The following UBE3A variants were observed in gnomAD, a reference collection of about 807,000 sequenced individuals.
The protein encoded by UBE3A is ubiquitin-protein ligase E3A.
UBE3A carries 6 observed loss-of-function variants against 83.4 expected under a neutral mutation model. That is an observed-to-expected ratio of 0.07 (90% CI 0.04 to 0.14). The LOEUF is 0.14. Among genes scored for constraint, UBE3A ranks in the 10% least tolerant of loss-of-function variants. The probability of loss-of-function intolerance (pLI) is 1.00; values close to 1 mark genes in which losing one functional copy is unlikely to be tolerated. For synonymous variants in UBE3A, 337 were observed against 355.4 expected, an observed-to-expected ratio of 0.95 and a Z score of 0.58; for missense variants, 456 against 1,036.1, an observed-to-expected ratio of 0.44 and a Z score of 7.69.
chr15:25,349,528 T>A (rs2076195881), intron 11 of UBE3A, among the ~76,000 whole-genome samples: 1 of 152,148 alleles, frequency 6.6e-6, no homozygotes, highest in Admixed American at 6.5e-5. Flanking sequence ...TATTCCCCAC[T>A]TACCCATGGG....
rs540551262 is a variant in UBE3A, at chr15:25,404,690, C to A, written c.62+771G>T. Among the ~76,000 whole-genome samples the A allele has an allele frequency of 2.0e-5, 3 of 152,186 alleles. No homozygotes were observed. In the South Asian group the frequency reaches 6.2e-4, roughly 31 times the overall value. ...AATACACGTTTGACAAACTTACTATCTACCTACTGAGCAAATTCTTTGCTG... is the reference window on the plus strand; with the variant it reads ...AATACACGTTTGACAAACTTACTATATACCTACTGAGCAAATTCTTTGCTG... On this transcript the variant is annotated intron_variant, in intron 4 of 12. Coordinates refer to ENST00000648336, the MANE Select transcript of UBE3A (RefSeq NM_130839.5).
intron 3 of UBE3A, among the ~76,000 whole-genome samples, chr15:25,406,596 T>C (rs886381187): frequency 3.9e-5 from 6 of 152,028 alleles, no homozygotes; most frequent in Non-Finnish European, 5.9e-5. Context: ...AGCTAAATTT[T>C]CAAATTGGCA....
intron 1 of UBE3A, among the ~76,000 whole-genome samples, chr15:25,423,965 G>T (rs868107325): frequency 6.6e-6 from 1 of 152,046 alleles, no homozygotes; most frequent in East Asian, 1.9e-4. Flanking sequence ...TTTCAGTCAC[G>T]TCTTAATCTG....
chr15:25,437,322 T>G (rs1023092606), intron 1 of UBE3A, among the ~76,000 whole-genome samples: 1 of 152,226 alleles, frequency 6.6e-6, no homozygotes, highest in African/African-American at 2.4e-5. Context: ...TAAGAGTACT[T>G]ATTGATCAGA....
In UBE3A at chr15:25,375,466, T is replaced by C; in HGVS notation, c.360A>G (p.Lys120=). 6.2e-7 allele frequency: 1 copy of C among 1,613,994 alleles called. No homozygotes were observed. The part of the protein sequence containing the change: ...MNKKGARIDF[K]DVTYLTEEKV... ...TCAATTGAAAATAAAACATCTTACC[T>C]TTAAAATCAATTCTAGCGCCTTTCT... Residue 120 remains lysine (K), a splice_region_variant and synonymous_variant, in exon 5 of 13, where the codon AAA becomes AAG. Coordinates refer to ENST00000648336, the MANE Select transcript of UBE3A (RefSeq NM_130839.5).
intron 11 of UBE3A, among the ~76,000 whole-genome samples, chr15:25,343,274 G>A (rs1323875007): frequency 2.0e-5 from 3 of 152,112 alleles, no homozygotes; most frequent in Non-Finnish European, 4.4e-5. Flanking sequence ...AAAACTTTCC[G>A]GTAGACAAAA....
chr15:25,353,288 A>C (rs2076772724), intron 11 of UBE3A, among the ~76,000 whole-genome samples: 1 of 152,218 alleles, frequency 6.6e-6, no homozygotes, highest in African/African-American at 2.4e-5. Flanking sequence ...ATTCCCACAT[A>C]CCACGACGAA....
intron 1 of UBE3A, among the ~76,000 whole-genome samples, chr15:25,436,740 A>C (rs952786002): frequency 4.1e-4 from 63 of 152,282 alleles, no homozygotes; most frequent in Non-Finnish European, 7.5e-4. Flanking sequence ...CTTTCTTAGG[A>C]AGTTATTTTT....
intron 4 of UBE3A, among the ~76,000 whole-genome samples, chr15:25,390,267 A>G (rs902526344): frequency 1.3e-5 from 2 of 152,200 alleles, no homozygotes; most frequent in Admixed American, 1.3e-4. Context: ...CACTTTTACC[A>G]TAAGATCCAG....
At chr15:25,434,112 C>T (rs1894295313) in intron 1 of UBE3A, among the ~76,000 whole-genome samples, 1 of 151,978 alleles carries the variant, frequency 6.6e-6, no homozygotes, top group African/African-American at 2.4e-5. Context: ...GCTAACTTTA[C>T]TTCACTCTCA....
chr15:25,397,163 C>T (rs773184601), intron 4 of UBE3A, among the ~76,000 whole-genome samples: 1 of 151,762 alleles, frequency 6.6e-6, no homozygotes, highest in Non-Finnish European at 1.5e-5. Flanking sequence ...ATGGTAGCAG[C>T]CTTGAAGGTT....
Position 25,375,470 on chromosome 15 carries a change from A to C in UBE3A, c.356T>G (p.Phe119Cys), listed in dbSNP as rs753429030. ...KMNKKGARID[F>C]KDVTYLTEEK... Reference sequence around the variant, plus strand: ...TTGAAAATAAAACATCTTACCTTTAAAATCAATTCTAGCGCCTTTCTTGTT... The same window carrying C: ...TTGAAAATAAAACATCTTACCTTTACAATCAATTCTAGCGCCTTTCTTGTT... Residue 119 changes from phenylalanine (F) to cysteine (C), a missense_variant, in exon 5 of 13, where the codon TTT becomes TGT. Phe to Cys is a radical substitution (Grantham distance 205). This residue lies in a region of UBE3A where 34 missense variants were observed against 79.1 expected (regional missense o/e 0.43). Coordinates refer to ENST00000648336, the MANE Select transcript of UBE3A (RefSeq NM_130839.5). 2.5e-6 allele frequency: 4 copies of C among 1,614,016 alleles called. No individual in the cohort carries two copies. The Admixed American group carries it at 5.0e-5, about 20-fold the overall frequency.
chr15:25,369,447 C>G (rs544658009), intron 6 of UBE3A, among the ~76,000 whole-genome samples: 5 of 150,422 alleles, frequency 3.3e-5, no homozygotes, highest in African/African-American at 9.8e-5. Context: ...TTCCACCGGG[C>G]TACAGCTTTA....
At position 25,376,605 on chromosome 15, in the gene UBE3A, G is replaced by T. The variant is rs1346068042; in HGVS notation, c.63-842C>A. ...TGCCATAAGCTGAAATTGCACCACT[G>T]CACTCCAGCCTGGGCAACAGAGCTA... On this transcript the variant is annotated intron_variant, in intron 4 of 12. Coordinates refer to ENST00000648336, the MANE Select transcript of UBE3A (RefSeq NM_130839.5). Among the ~76,000 whole-genome samples the T allele has an allele frequency of 3.3e-5, 5 of 152,194 alleles. No individual in the cohort carries two copies. In the East Asian group the frequency reaches 9.7e-4, roughly 29 times the overall value.
At chr15:25,433,344 C>T (rs1242727998) in intron 1 of UBE3A, among the ~76,000 whole-genome samples, 1 of 152,034 alleles carries the variant, frequency 6.6e-6, no homozygotes, top group Admixed American at 6.6e-5. Context: ...CCACCACGTC[C>T]GGCTAATTTT....
At chr15:25,426,021 T>G (rs547811800) in intron 1 of UBE3A, among the ~76,000 whole-genome samples, 31 of 72,898 alleles carry the variant, frequency 4.3e-4, no homozygotes, top group African/African-American at 9.3e-4. Flanking sequence ...CTCCCTTGGG[T>G]TCTTTGAAAT....
intron 4 of UBE3A, among the ~76,000 whole-genome samples, chr15:25,396,462 A>C (rs2085598842): frequency 6.6e-6 from 1 of 151,776 alleles, no homozygotes. Flanking sequence ...ACAAACAAAC[A>C]AAAACACTGT....
intron 5 of UBE3A, chr15:25,375,052 C>G (rs1260593924): frequency 5.0e-6 from 1 of 200,400 alleles, no homozygotes; most frequent in Non-Finnish European, 1.0e-5. Context: ...TTTGTCTTGC[C>G]TTCAAAAATG....
At chr15:25,380,826 A>G (rs2082055633) in intron 4 of UBE3A, among the ~76,000 whole-genome samples, 1 of 152,252 alleles carries the variant, frequency 6.6e-6, no homozygotes. Flanking sequence ...TTAGTCAGCA[A>G]TGAAGGTCAA....
Sources: allele counts gnomAD v4.1 joint callset (sites outside exome capture counted in the v4.1 genomes callset), GRCh38; gene constraint gnomAD v4.1.1; regional missense constraint gnomAD v4.1.1; transcripts MANE v1.5; gene names NCBI Gene and HGNC (gene_info 2026-07-23, HGNC 2026-07-21).